The following TRAPPC10 variants were observed in gnomAD, a reference collection of about 807,000 sequenced individuals.
The protein encoded by TRAPPC10 is TRAPP 130 kDa subunit.
A neutral mutation model predicts 125.5 loss-of-function variants in TRAPPC10; 23 were observed. The ratio of observed to expected loss-of-function variants is 0.18; its 90% CI spans 0.13 to 0.26. The LOEUF (loss-of-function observed/expected upper bound fraction) is 0.26, where lower values mean the gene tolerates loss of function less well. Among genes scored for constraint, TRAPPC10 ranks in the 10% least tolerant of loss-of-function variants. The pLI, the probability that TRAPPC10 is intolerant of heterozygous loss-of-function variation, is 1.00. For missense variants in TRAPPC10, 1,123 were observed against 1,308.4 expected (o/e 0.86, Z 2.19); for synonymous variants, 509 against 518.0 (o/e 0.98, Z 0.24).
rs1216578311 is a variant in TRAPPC10, at chr21:44,076,613, T to C, written c.1362T>C (p.Phe454=). The change falls in exon 10 of 23, where the codon TTT becomes TTC. Residue 454 remains phenylalanine (F), a synonymous_variant. Coordinates refer to ENST00000291574, the MANE Select transcript of TRAPPC10 (RefSeq NM_003274.5). ...LKEALSSVEA[F]EKHYLDLSHA... is the part of the protein sequence containing the mutation. ...AAGCATTATCGTCAGTGGAAGCTTT[T>C]GAAAAACACTACTTAGTAAGTATTA... 4 of 1,613,034 alleles carry C rather than the reference T, an allele frequency of 2.5e-6. No homozygotes were observed. The highest frequency in any genetic ancestry group is 3.4e-6 in the Non-Finnish European group (4 of 1,178,968).
Position 44,045,020 on chromosome 21 carries a change from C to T in TRAPPC10, c.285+7093C>T, listed in dbSNP as rs573895566. Among the ~76,000 whole-genome samples, 4 of 152,134 alleles carry T rather than the reference C, an allele frequency of 2.6e-5. No homozygotes were observed. In the East Asian group the frequency reaches 5.8e-4, roughly 22 times the overall value. On this transcript the variant is annotated intron_variant, in intron 3 of 22. Coordinates refer to ENST00000291574, the MANE Select transcript of TRAPPC10 (RefSeq NM_003274.5). ...CTGTTCCTTTTCTTTAAAATCCCTC[C>T]GCCTCCCGGGTTCAAGCGATTCTCC...
intron 1 of TRAPPC10, among the ~76,000 whole-genome samples, chr21:44,022,894 T>C (rs917550173): frequency 1.3e-5 from 2 of 152,108 alleles, no homozygotes; most frequent in South Asian, 2.1e-4. Flanking sequence ...GACTTTATCA[T>C]GGGTGTTGCT....
rs945083602 is a variant in TRAPPC10 at position 44,091,064 on chromosome 21, G to A, written c.2871-859G>A. Among the ~76,000 whole-genome samples, 12 of 152,186 alleles carry A rather than the reference G, an allele frequency of 7.9e-5. No homozygotes were observed. In the South Asian group the frequency reaches 8.3e-4, roughly 11 times the overall value. On this transcript the variant is annotated intron_variant, in intron 18 of 22. Transcript: ENST00000291574. ...AAATTAGCCGGGCATGGTGGCGGGCGCCTGTAATCCCAGCTACTCGGGAGG... is the reference window on the plus strand; with the variant it reads ...AAATTAGCCGGGCATGGTGGCGGGCACCTGTAATCCCAGCTACTCGGGAGG...
intron 7 of TRAPPC10, among the ~76,000 whole-genome samples, chr21:44,068,540 GT>G (rs1356554166): frequency 6.6e-6 from 1 of 152,152 alleles, no homozygotes; most frequent in African/African-American, 2.4e-5. Flanking sequence ...GAGGTGAAGA[GT>G]TTGGAAACTT....
intron 1 of TRAPPC10, 33 bp downstream of exon 1, chr21:44,012,593 T>C: frequency 2.0e-6 from 3 of 1,517,576 alleles, no homozygotes; most frequent in Non-Finnish European, 2.7e-6. Flanking sequence ...GGCGCGGCGG[T>C]CGTTGGGCGG....
At chr21:44,047,788 T>C (rs1281692922) in intron 3 of TRAPPC10, among the ~76,000 whole-genome samples, 2 of 152,218 alleles carry the variant, frequency 1.3e-5, no homozygotes, top group Non-Finnish European at 2.9e-5. Context: ...TGGGTCTTTT[T>C]CTTAATTAAG....
intron 1 of TRAPPC10, among the ~76,000 whole-genome samples, chr21:44,013,694 T>C (rs2031460171): frequency 6.6e-6 from 1 of 152,258 alleles, no homozygotes; most frequent in African/African-American, 2.4e-5. Context: ...TCCTTCCTTT[T>C]GCTTTATTTT....
chr21:44,087,810 C>G lies in TRAPPC10; in HGVS notation c.2651C>G (p.Ser884Cys), dbSNP rs759204426. The G allele has an allele frequency of 6.8e-6, 11 of 1,614,238 alleles. No individual in the cohort carries two copies. The highest frequency in any genetic ancestry group is 2.2e-5 in the East Asian group (1 of 44,878). Residue 884 changes from serine to cysteine, a missense_variant, in exon 17 of 23, where the codon TCT becomes TGT. Transcript: ENST00000291574. The surrounding 1 kb of genome is among the most constrained non-coding windows in gnomAD (Gnocchi z 4.6). ...HVIEFELEVL[S>C]LPSAPALGGE... ...ATCGAATTTGAACTGGAAGTTCTCT[C>G]TTTACCTTCAGCCCCAGCACTCGGA...
chr21:44,030,979 C>G (rs913028720), intron 1 of TRAPPC10, among the ~76,000 whole-genome samples: 2 of 152,266 alleles, frequency 1.3e-5, no homozygotes, highest in Admixed American at 1.3e-4. Flanking sequence ...TCCCATTTCC[C>G]ATGTCCCCGA....
At chr21:44,017,266 T>G (rs1178512714) in intron 1 of TRAPPC10, among the ~76,000 whole-genome samples, 2 of 152,204 alleles carry the variant, frequency 1.3e-5, no homozygotes, top group Admixed American at 1.3e-4. Context: ...TACCCGAGCA[T>G]GGTTACAAAC....
At chr21:44,089,242 G>C in intron 17 of TRAPPC10, 1 of 328,472 alleles carries the variant, frequency 3.0e-6, no homozygotes, top group Non-Finnish European at 6.0e-6. Context: ...CGGCACGCAC[G>C]CTGTGTGCTG....
At chr21:44,095,315 G>A (rs765429746) in intron 20 of TRAPPC10, among the ~76,000 whole-genome samples, 4 of 151,714 alleles carry the variant, frequency 2.6e-5, no homozygotes, top group Admixed American at 1.3e-4. Flanking sequence ...GCACGATCTC[G>A]GCTCACCACA....
At chr21:44,042,163 T>C (rs2034472562) in intron 3 of TRAPPC10, among the ~76,000 whole-genome samples, 1 of 152,226 alleles carries the variant, frequency 6.6e-6, no homozygotes, top group Non-Finnish European at 1.5e-5. Context: ...GTTTCTACTT[T>C]CATTTGTATT....
intron 1 of TRAPPC10, among the ~76,000 whole-genome samples, chr21:44,020,129 T>TC (rs1339391645): frequency 6.6e-6 from 1 of 151,802 alleles, no homozygotes; most frequent in African/African-American, 2.4e-5. Flanking sequence ...TCTTTTCTTT[T>TC]TTTTTTTTTG....
chr21:44,039,818 C>T lies in TRAPPC10; in HGVS notation c.285+1891C>T, dbSNP rs149064978. 3.4e-3 allele frequency among the ~76,000 whole-genome samples: 512 copies of T among 152,218 alleles called. 2 individuals carry two copies. Among genetic ancestry groups the T allele is most frequent in the African/African-American group, 0.012 (478 of 41,552 alleles). On this transcript the variant is annotated intron_variant, in intron 3 of 22. Transcript: ENST00000291574. Reference sequence around the variant, plus strand: ...AGTGGAGGTTGCAGTGAGCCGAGATCGTGCTACTGCACTCTAGTCTGGGAG... The same window carrying T: ...AGTGGAGGTTGCAGTGAGCCGAGATTGTGCTACTGCACTCTAGTCTGGGAG...
intron 3 of TRAPPC10, among the ~76,000 whole-genome samples, chr21:44,048,930 T>G (rs2035049865): frequency 1.3e-5 from 2 of 152,054 alleles, no homozygotes; most frequent in Admixed American, 1.3e-4. Context: ...ACTATCATAG[T>G]ATTAATAATT....
chr21:44,094,093 G>A lies in TRAPPC10; in HGVS notation c.3028G>A (p.Val1010Ile), dbSNP rs143166326. 384 of 1,614,014 alleles carry A rather than the reference G, an allele frequency of 2.4e-4. No individual in the cohort carries two copies. The highest frequency in any genetic ancestry group is 2.0e-3 in the South Asian group (180 of 91,062). ...CTACAGCAAGCAGTCGGTGTTCTTCGTCTGGGAACTCAAGTGGACAGAAGA... is the reference window on the plus strand; with the variant it reads ...CTACAGCAAGCAGTCGGTGTTCTTCATCTGGGAACTCAAGTGGACAGAAGA... ...PIYSKQSVFFVWELKWTEEPP... is the reference protein window; with the variant it reads ...PIYSKQSVFFIWELKWTEEPP... The change falls in exon 20 of 23, where the codon GTC becomes ATC. Residue 1010 changes from valine (V) to isoleucine (I), a missense_variant. Val to Ile is a conservative substitution (Grantham distance 29, BLOSUM62 3). Coordinates refer to ENST00000291574, the MANE Select transcript of TRAPPC10 (RefSeq NM_003274.5).
rs1601815536 is a variant in TRAPPC10 at position 44,087,616 on chromosome 21, T to C, written c.2540-83T>C. On this transcript the variant is annotated intron_variant, in intron 16 of 22. Coordinates refer to ENST00000291574, the MANE Select transcript of TRAPPC10 (RefSeq NM_003274.5). The surrounding 1 kb of genome is among the most constrained non-coding windows in gnomAD (Gnocchi z 4.6). ...GGGAGAGGTTGAGCAGTGGCCTCACTGCTGGGCCATCACCTGCTGTAAGGA... is the reference window on the plus strand; with the variant it reads ...GGGAGAGGTTGAGCAGTGGCCTCACCGCTGGGCCATCACCTGCTGTAAGGA... 7.8e-7 allele frequency: 1 copy of C among 1,289,026 alleles called. No individual in the cohort carries two copies. The highest frequency in any genetic ancestry group is 2.3e-5 in the East Asian group (1 of 42,940). 79.8% of individuals were successfully genotyped at this position (1,289,026 alleles called of 1,614,324 possible). A position where few individuals can be genotyped will look rare whatever the true frequency, so the allele number is the denominator to read the frequency against.
rs144085894 is a variant in TRAPPC10 at position 44,074,339 on chromosome 21, G to A, written c.1054G>A (p.Gly352Ser). The A allele has an allele frequency of 1.7e-5, 28 of 1,614,006 alleles. No homozygotes were observed. The highest frequency in any genetic ancestry group is 2.3e-5 in the Non-Finnish European group (27 of 1,180,034). Residue 352 changes from glycine (G) to serine (S), a missense_variant, in exon 8 of 23, where the codon GGT becomes AGT. This residue lies in a region of TRAPPC10 where 840 missense variants were observed against 902.0 expected (regional missense o/e 0.93). Coordinates refer to ENST00000291574, the MANE Select transcript of TRAPPC10 (RefSeq NM_003274.5). ...LKLLEVSVPP[G>S]ALDCWVFLSC... ...ACCCCCACAGGTCTCTGTCCCACCT[G>A]GTGCTCTGGACTGCTGGGTGTTTCT...
Sources: allele counts gnomAD v4.1 joint callset (sites outside exome capture counted in the v4.1 genomes callset), GRCh38; gene constraint gnomAD v4.1.1; regional missense constraint gnomAD v4.1.1; non-coding constraint Gnocchi (gnomAD v3.1); transcripts MANE v1.5; gene names NCBI Gene and HGNC (gene_info 2026-07-23, HGNC 2026-07-21).